The following ERAP1 variants were observed in gnomAD, a reference collection of about 807,000 sequenced individuals.
ERAP1 encodes adipocyte-derived leucine aminopeptidase.
ERAP1 carries 86 observed loss-of-function variants against 103.7 expected under a neutral mutation model. The observed-to-expected ratio is 0.83, with a 90% CI of 0.70 to 0.99. The LOEUF (loss-of-function observed/expected upper bound fraction) is 0.99. ERAP1 is among the 50% of genes least tolerant of loss of function. The pLI is 0.00. For missense variants in ERAP1, 1,009 were observed against 1,128.4 expected, an observed-to-expected ratio of 0.89 and a Z score of 1.52; for synonymous variants, 398 against 402.4, an observed-to-expected ratio of 0.99 and a Z score of 0.13.
the ERAP1 span, among the ~76,000 whole-genome samples, chr5:96,840,475 G>A: frequency 6.6e-6 from 1 of 152,080 alleles, no homozygotes; most frequent in Non-Finnish European, 1.5e-5. Flanking sequence ...TAGTCTAGAA[G>A]TCTAATAACA....
At chr5:96,810,950 GA>G (rs1186991483), upstream of ERAP1, among the ~76,000 whole-genome samples, 2 of 152,196 alleles carry the variant, frequency 1.3e-5, no homozygotes, top group African/African-American at 4.8e-5. Context: ...TCATGGTGTA[GA>G]AAACAGACAA....
intron 9 of ERAP1, 64 bp downstream of exon 9, chr5:96,790,448 G>C: frequency 6.2e-7 from 1 of 1,609,936 alleles, no homozygotes. Flanking sequence ...ATAATGCAGG[G>C]AAAACAAAAC....
the ERAP1 span, chr5:96,883,990 T>G: frequency 6.7e-7 from 1 of 1,496,292 alleles, no homozygotes; most frequent in Non-Finnish European, 8.9e-7. Context: ...AGTCTTCGTT[T>G]GTTTTTTAAA....
the ERAP1 span, among the ~76,000 whole-genome samples, chr5:96,813,650 C>CAAAAAAAAAAAAAAAAAAAAAAAA: frequency 1.8e-5 from 1 of 55,160 alleles, no homozygotes; most frequent in African/African-American, 7.1e-5. Flanking sequence ...AGACTCATCT[C>CAAAAAAAAAAAAAAAAAAAAAAAA]AAAAAAAAAA....
the ERAP1 span, among the ~76,000 whole-genome samples, chr5:96,841,747 CTTTT>C: frequency 1.1e-4 from 12 of 108,520 alleles, no homozygotes; most frequent in African/African-American, 4.2e-4. Flanking sequence ...TCTTCTTCTT[CTTTT>C]TTTTTTTTTT....
chr5:96,822,905 A>G, the ERAP1 span: 32 of 365,178 alleles, frequency 8.8e-5, no homozygotes, highest in African/African-American at 5.3e-4. Context: ...CATGAGGCTG[A>G]ATCAAGGTGT....
downstream of ERAP1, chr5:96,770,689 G>A: frequency 1.1e-6 from 1 of 884,428 alleles, no homozygotes; most frequent in East Asian, 2.5e-5. Flanking sequence ...TTTCCTACTG[G>A]AATCTATTTA....
At chr5:96,774,322 C>A (rs1773537580), downstream of ERAP1, 1 of 198,058 alleles carries the variant, frequency 5.0e-6, no homozygotes, top group Non-Finnish European at 9.2e-6. Flanking sequence ...AAGTAAACAA[C>A]ATTTATTTAA....
In ERAP1 at chr5:96,776,276, ATGAGT is replaced by A; in HGVS notation, c.*115_*119del. 2 of 1,532,096 alleles carry A rather than the reference ATGAGT, an allele frequency of 1.3e-6. No individual in the cohort carries two copies. The highest frequency in any genetic ancestry group is 8.7e-7 in the Non-Finnish European group (1 of 1,145,460). The allele number at this position is 1,532,096 out of a possible 1,614,324, so 94.9% of individuals were successfully genotyped here. A position where few individuals can be genotyped will look rare whatever the true frequency, so the allele number is the denominator to read the frequency against. ...TTCTTTTCACAGGGATAGTCAAAAA[ATGAGT>A]TGAAGGGAAAAAAGTATCTCCAGTT... On this transcript the variant is annotated 3_prime_UTR_variant, in exon 19 of 19. Transcript: ENST00000443439.
rs1266158102 is a variant in ERAP1, at chr5:96,795,027, G to C, written c.919+15C>G. Reference sequence around the variant, plus strand: ...TCATCAAATGTCATGTGTAATATCTGTGCAAAATCTCTACCTTGTTTGGGT... The same window carrying C: ...TCATCAAATGTCATGTGTAATATCTCTGCAAAATCTCTACCTTGTTTGGGT... On this transcript the variant is annotated intron_variant, in intron 5 of 18. Transcript: ENST00000443439. 5 of 1,613,492 alleles carry C rather than the reference G, an allele frequency of 3.1e-6. No individual in the cohort carries two copies. Among genetic ancestry groups the C allele is most frequent in the Non-Finnish European group, 3.4e-6 (4 of 1,179,782 alleles).
chr5:96,765,213 C>T (rs1274706567), intron 19 of ERAP1: 3 of 1,542,372 alleles, frequency 1.9e-6, no homozygotes, highest in Non-Finnish European at 8.9e-7. Flanking sequence ...GCATTATTTA[C>T]TTTTCAGCAG....
At chr5:96,911,866 C>CAAAAAAAAAAAAA in the ERAP1 span, among the ~76,000 whole-genome samples, 204 of 56,260 alleles carry the variant, frequency 3.6e-3, 2 homozygotes, top group Non-Finnish European at 5.5e-3. Context: ...GACCCTGTCT[C>CAAAAAAAAAAAAA]AAAAAAAAAA....
the ERAP1 span, among the ~76,000 whole-genome samples, chr5:96,819,203 C>A: frequency 6.6e-6 from 1 of 152,166 alleles, no homozygotes; most frequent in Non-Finnish European, 1.5e-5. Context: ...GGATTCCAGG[C>A]GTGAGCCACC....
At chr5:96,849,840 A>T in the ERAP1 span, among the ~76,000 whole-genome samples, 1 of 152,168 alleles carries the variant, frequency 6.6e-6, no homozygotes. Context: ...GAGGCATGAC[A>T]CTGTTTAATT....
chr5:96,899,914 A>C, the ERAP1 span, among the ~76,000 whole-genome samples: 1 of 152,244 alleles, frequency 6.6e-6, no homozygotes, highest in Non-Finnish European at 1.5e-5. Context: ...ACACATGCGT[A>C]TATATAACAC....
At chr5:96,862,013 C>T in the ERAP1 span, among the ~76,000 whole-genome samples, 1 of 152,190 alleles carries the variant, frequency 6.6e-6, no homozygotes, top group Non-Finnish European at 1.5e-5. Flanking sequence ...CAAGGTCTTG[C>T]TCTGTCACCC....
At chr5:96,889,084 T>C in the ERAP1 span, 1 of 1,401,188 alleles carries the variant, frequency 7.1e-7, no homozygotes, top group East Asian at 2.3e-5. Context: ...AATACTTTCT[T>C]GAAAAGATAC....
intron 11 of ERAP1, among the ~76,000 whole-genome samples, chr5:96,787,014 G>A (rs544376332): frequency 4.6e-5 from 7 of 152,108 alleles, no homozygotes; most frequent in East Asian, 1.9e-4. Context: ...TGTCAATATC[G>A]AGAAGCCCAA....
chr5:96,853,937 C>A, the ERAP1 span, among the ~76,000 whole-genome samples: 4 of 151,426 alleles, frequency 2.6e-5, no homozygotes, highest in East Asian at 7.8e-4. Flanking sequence ...ATAGCAATTG[C>A]ATTTGTGCCC....
Sources: gnomAD v4.1 joint callset for allele counts (sites outside exome capture counted in the v4.1 genomes callset) on GRCh38, gnomAD v4.1.1 for gene constraint, MANE v1.5 for transcripts, NCBI Gene and HGNC (gene_info 2026-07-23, HGNC 2026-07-21) for gene names.